UNC45B: variants seen among roughly 807,000 people sequenced by gnomAD.
UNC45B encodes protein unc-45 homolog B.
Under a neutral mutation model 98.7 loss-of-function variants are expected in UNC45B, and 78 were observed. The ratio of observed to expected loss-of-function variants is 0.79; its 90% CI spans 0.66 to 0.95. UNC45B has a LOEUF of 0.95. Ranked by LOEUF, UNC45B falls within the 40% of genes least tolerant of loss-of-function variation. The pLI, the probability that UNC45B is intolerant of heterozygous loss-of-function variation, is 0.00. For missense variants in UNC45B, 1,225 were observed against 1,184.9 expected (o/e 1.03, Z -0.50); for synonymous variants, 462 against 480.4 (o/e 0.96, Z 0.50).
chr17:35,168,201 G>A lies in UNC45B; in HGVS notation c.1292G>A (p.Gly431Asp). The change falls in exon 10 of 20, where the codon GGC becomes GAC. Residue 431 changes from glycine (G) to aspartate (D), a missense_variant. Gly to Asp is a moderately conservative substitution (Grantham distance 94). Coordinates refer to ENST00000394570, the MANE Select transcript of UNC45B (RefSeq NM_001267052.2). ...GVMEMMVALC[G>D]SERETDQLVA... is the part of the protein sequence containing the mutation. ...ATGGAGATGATGGTGGCACTATGTG[G>A]CTCAGAGCGCGAGACGGACCAGCTG... 2 of 1,602,834 alleles carry A rather than the reference G, an allele frequency of 1.2e-6. No individual in the cohort carries two copies. The highest frequency in any genetic ancestry group is 1.3e-5 in the African/African-American group (1 of 74,436).
intron 8 of UNC45B, 95 bp downstream of exon 8, chr17:35,159,640 G>A: frequency 7.2e-7 from 1 of 1,391,748 alleles, no homozygotes; most frequent in Non-Finnish European, 9.8e-7. Flanking sequence ...TCTTGAAGGG[G>A]TCTTCAGTTC....
intron 13 of UNC45B, among the ~76,000 whole-genome samples, chr17:35,172,415 A>G (rs1293570357): frequency 3.3e-5 from 5 of 151,880 alleles, no homozygotes; most frequent in African/African-American, 1.2e-4. Context: ...ATGCCCGGCT[A>G]ATTTTGTGTT....
chr17:35,189,344 G>T (rs1347440375), downstream of UNC45B: 1 of 152,118 alleles, frequency 6.6e-6, no homozygotes, highest in East Asian at 1.9e-4. Flanking sequence ...TTCCTAGTAA[G>T]AGTAACTTGT....
chr17:35,151,515 C>T (rs2092019417), intron 4 of UNC45B, among the ~76,000 whole-genome samples: 1 of 152,082 alleles, frequency 6.6e-6, no homozygotes, highest in Non-Finnish European at 1.5e-5. Context: ...GAGTAGGATG[C>T]GGAGAACCTG....
intron 17 of UNC45B, among the ~76,000 whole-genome samples, chr17:35,177,845 T>G (rs1308819526): frequency 6.6e-6 from 1 of 151,174 alleles, no homozygotes; most frequent in Non-Finnish European, 1.5e-5. Flanking sequence ...CTTTTGTCTT[T>G]TCTTTTCTCT....
rs1438021067 is a variant in UNC45B, at chr17:35,147,904, T to G, written c.-7T>G. ...GGCAGATCGAAAGCATCGTCCTTGC[T>G]GAAAAAGTGAGCATGGGCCTGGGGT... On this transcript the variant is annotated 5_prime_UTR_variant, in exon 1 of 20. Coordinates refer to ENST00000394570, the MANE Select transcript of UNC45B (RefSeq NM_001267052.2). 1 of 205,170 alleles carries G rather than the reference T, an allele frequency of 4.9e-6. No individual in the cohort carries two copies. The highest frequency in any genetic ancestry group is 9.9e-6 in the Non-Finnish European group (1 of 101,056). 12.7% of individuals were successfully genotyped at this position (205,170 alleles called of 1,614,324 possible). A position where few individuals can be genotyped will look rare whatever the true frequency, so the allele number is the denominator to read the frequency against.
intron 7 of UNC45B, among the ~76,000 whole-genome samples, chr17:35,157,445 G>A (rs1048817065): frequency 3.3e-5 from 5 of 151,776 alleles, no homozygotes; most frequent in East Asian, 3.9e-4. Flanking sequence ...CAGGTGATCC[G>A]CCCGCCTCTG....
At chr17:35,161,094 CAT>C (rs2092099283) in intron 8 of UNC45B, among the ~76,000 whole-genome samples, 3 of 152,226 alleles carry the variant, frequency 2.0e-5, no homozygotes, top group African/African-American at 7.2e-5. Flanking sequence ...GTCTTCTCCA[CAT>C]ATGTCATGAA....
chr17:35,167,105 C>G (rs1345498484), intron 9 of UNC45B: 1 of 152,398 alleles, frequency 6.6e-6, no homozygotes, highest in East Asian at 1.9e-4. Flanking sequence ...AAGACCAGAT[C>G]ACCAGAGGGG....
At chr17:35,162,767 G>C (rs1027779238) in intron 8 of UNC45B, among the ~76,000 whole-genome samples, 3 of 152,158 alleles carry the variant, frequency 2.0e-5, no homozygotes, top group African/African-American at 7.2e-5. Flanking sequence ...ATTTTTAGTA[G>C]AGGCGGGGTT....
chr17:35,156,039 C>T (rs1417739445), intron 7 of UNC45B, among the ~76,000 whole-genome samples: 1 of 152,112 alleles, frequency 6.6e-6, no homozygotes, highest in Non-Finnish European at 1.5e-5. Flanking sequence ...GAAAATTTGA[C>T]ACATGCAACA....
At chr17:35,186,215 A>T in intron 19 of UNC45B, 84 bp from the exon 20 acceptor site, 1 of 1,555,838 alleles carries the variant, frequency 6.4e-7, no homozygotes, top group South Asian at 1.2e-5. Flanking sequence ...TAACATTGCC[A>T]CACCAGGGAC....
In UNC45B at chr17:35,155,209, G is replaced by C. The variant is rs1052234127; in HGVS notation, c.640-87G>C. Reference sequence around the variant, plus strand: ...TTTCTCTACTGCATGGGATAGGGTGGGGAGGATTATCACACCCTCTCTAAC... The same window carrying C: ...TTTCTCTACTGCATGGGATAGGGTGCGGAGGATTATCACACCCTCTCTAAC... On this transcript the variant is annotated intron_variant, in intron 6 of 19. Coordinates refer to ENST00000394570, the MANE Select transcript of UNC45B (RefSeq NM_001267052.2). 8 of 1,500,424 alleles carry C rather than the reference G, an allele frequency of 5.3e-6. No individual in the cohort carries two copies. In the Admixed American group the frequency reaches 5.4e-5, roughly 10 times the overall value. The allele number at this position is 1,500,424 out of a possible 1,614,324, so 92.9% of individuals were successfully genotyped here. A position where few individuals can be genotyped will look rare whatever the true frequency, so the allele number is the denominator to read the frequency against.
At chr17:35,163,949 AT>A (rs2092120023) in intron 8 of UNC45B, 45 bp from the exon 9 acceptor site, 21 of 1,549,534 alleles carry the variant, frequency 1.4e-5, no homozygotes, top group Non-Finnish European at 1.8e-5. Flanking sequence ...GTGTGTGAGG[AT>A]GGAGCCCAGC....
chr17:35,149,962 A>G, intron 3 of UNC45B, 86 bp from the exon 4 acceptor site: 5 of 1,369,998 alleles, frequency 3.6e-6, no homozygotes, highest in Non-Finnish European at 4.9e-6. Flanking sequence ...ACGAAGCAAG[A>G]GCATGCTTCC....
At position 35,164,166 on chromosome 17, in the gene UNC45B, C is replaced by T. The variant is rs548212884; in HGVS notation, c.1151C>T (p.Thr384Met). ...HFRKICEEYI[T>M]GKFDPQDMDK... ...CGCAAGATCTGTGAGGAATATATCA[C>T]GTAAGTTTCCTGGAGGCCTCACAGG... The change falls in exon 9 of 20, where the codon ACG becomes ATG. Residue 384 changes from threonine (T) to methionine (M), a missense_variant and splice_region_variant. By Grantham distance (81) the Thr-to-Met change is moderately conservative. Coordinates refer to ENST00000394570, the MANE Select transcript of UNC45B (RefSeq NM_001267052.2). 7 of 1,605,958 alleles carry T rather than the reference C, an allele frequency of 4.4e-6. 1 individual carries two copies. Among genetic ancestry groups the T allele is most frequent in the South Asian group, 3.3e-5 (3 of 89,772 alleles).
At chr17:35,170,327 G>T in intron 12 of UNC45B, 72 bp downstream of exon 12, 1 of 1,459,772 alleles carries the variant, frequency 6.9e-7, no homozygotes, top group Non-Finnish European at 9.1e-7. Flanking sequence ...CACAGGGAAT[G>T]GATCCCAGTC....
intron 4 of UNC45B, 60 bp from the exon 5 acceptor site, chr17:35,152,833 T>G: frequency 7.9e-7 from 1 of 1,258,630 alleles, no homozygotes; most frequent in Non-Finnish European, 1.2e-6. Context: ...GAACTGAATG[T>G]GGAGCTGAAA....
intron 12 of UNC45B, among the ~76,000 whole-genome samples, chr17:35,171,066 G>A (rs2092181715): frequency 1.3e-5 from 2 of 152,132 alleles, no homozygotes; most frequent in African/African-American, 2.4e-5. Context: ...TGGAAGAGGC[G>A]CAAAGCGAGG....
Sources: allele counts gnomAD v4.1 joint callset (sites outside exome capture counted in the v4.1 genomes callset), GRCh38; gene constraint gnomAD v4.1.1; transcripts MANE v1.5; gene names NCBI Gene and HGNC (gene_info 2026-07-23, HGNC 2026-07-21).